OPCML: variants seen among roughly 807,000 people sequenced by gnomAD.
OPCML encodes the protein opioid binding protein/cell adhesion molecule like, also known as opioid-binding protein/cell adhesion molecule.
Under a neutral mutation model 37.8 loss-of-function variants are expected in OPCML, and 13 were observed. The ratio of observed to expected loss-of-function variants is 0.34; its 90% CI spans 0.22 to 0.55. The LOEUF is 0.55. OPCML is among the 20% of genes least tolerant of loss of function. OPCML has a pLI of 0.91. For missense variants in OPCML, 341 were observed against 435.6 expected (o/e 0.78, Z 1.93); for synonymous variants, 176 against 168.8 (o/e 1.04, Z -0.33).
At chr11:132,876,214 C>T (rs914522302) in intron 2 of OPCML, among the ~76,000 whole-genome samples, 6 of 152,140 alleles carry the variant, frequency 3.9e-5, no homozygotes, top group East Asian at 3.9e-4. Context: ...ATCACTTCTT[C>T]CCTATAAACC....
intron 1 of OPCML, among the ~76,000 whole-genome samples, chr11:133,458,856 T>TGTGTATATACACATAGATGCACGTGTGC (rs1946789669): frequency 6.7e-6 from 1 of 148,806 alleles, no homozygotes; most frequent in Non-Finnish European, 1.5e-5. Context: ...TGCACGTGTG[T>TGTGTATATACACATAGATGCACGTGTGC]GTGTATATAT....
chr11:132,668,052 A>C (rs1390903390), intron 2 of OPCML, among the ~76,000 whole-genome samples: 1 of 152,214 alleles, frequency 6.6e-6, no homozygotes, highest in African/African-American at 2.4e-5. Context: ...GGAGGGGCTG[A>C]CGGATACAGA....
At chr11:132,475,695 A>G (rs2136982069) in intron 4 of OPCML, among the ~76,000 whole-genome samples, 1 of 152,306 alleles carries the variant, frequency 6.6e-6, no homozygotes, top group South Asian at 2.1e-4. Flanking sequence ...AAACGTGAAA[A>G]AAAAAAATAT....
chr11:132,622,497 C>A (rs1939482870), intron 3 of OPCML, among the ~76,000 whole-genome samples: 1 of 152,188 alleles, frequency 6.6e-6, no homozygotes, highest in South Asian at 2.1e-4. Context: ...TAACCAACTG[C>A]TCTTGGAAAA....
intron 1 of OPCML, among the ~76,000 whole-genome samples, chr11:133,435,982 A>C (rs1207008637): frequency 6.6e-6 from 1 of 152,218 alleles, no homozygotes; most frequent in African/African-American, 2.4e-5. Flanking sequence ...AAGAGCTATA[A>C]ATAATGATTT....
intron 1 of OPCML, among the ~76,000 whole-genome samples, chr11:133,232,068 G>A (rs981101021): frequency 1.3e-5 from 2 of 152,132 alleles, no homozygotes; most frequent in Non-Finnish European, 2.9e-5. Context: ...GAAGGCTGCT[G>A]GATTTACTCA....
intron 3 of OPCML, among the ~76,000 whole-genome samples, chr11:132,604,469 C>T (rs1261745040): frequency 6.6e-6 from 1 of 152,140 alleles, no homozygotes; most frequent in Non-Finnish European, 1.5e-5. Context: ...CCTCAGCTCT[C>T]ACTCCCTTGT....
intron 2 of OPCML, among the ~76,000 whole-genome samples, chr11:132,733,558 AAGAT>A (rs763268346): frequency 2.0e-5 from 3 of 152,174 alleles, no homozygotes; most frequent in Non-Finnish European, 4.4e-5. Context: ...GATGTGGTCA[AAGAT>A]AGAAATAATT....
At chr11:133,159,671 C>T (rs1359098396) in intron 1 of OPCML, among the ~76,000 whole-genome samples, 1 of 152,160 alleles carries the variant, frequency 6.6e-6, no homozygotes, top group East Asian at 1.9e-4. Flanking sequence ...CAAACATTGT[C>T]GTAGTCTCCT....
chr11:132,694,463 C>T (rs377737034), intron 2 of OPCML, among the ~76,000 whole-genome samples: 28 of 152,188 alleles, frequency 1.8e-4, no homozygotes, highest in African/African-American at 6.0e-4. Flanking sequence ...TCCCAAAGTG[C>T]TGGGATTATA....
intron 1 of OPCML, among the ~76,000 whole-genome samples, chr11:132,979,738 G>T (rs942303661): frequency 6.6e-6 from 1 of 152,228 alleles, no homozygotes; most frequent in African/African-American, 2.4e-5. Context: ...AGACTTGGTG[G>T]TCTTCAGAAC....
intron 1 of OPCML, among the ~76,000 whole-genome samples, chr11:133,384,092 C>T (rs921378552): frequency 1.3e-5 from 2 of 151,992 alleles, no homozygotes; most frequent in African/African-American, 2.4e-5. Flanking sequence ...AAAACAGATA[C>T]ATACGCCTGT....
intron 3 of OPCML, among the ~76,000 whole-genome samples, chr11:132,633,561 G>C (rs1176366595): frequency 1.3e-5 from 2 of 152,292 alleles, no homozygotes; most frequent in East Asian, 1.9e-4. Context: ...GGAGGCCCCA[G>C]GCCCTGGGTC....
At chr11:133,232,226 C>T (rs187679931) in intron 1 of OPCML, among the ~76,000 whole-genome samples, 10 of 152,124 alleles carry the variant, frequency 6.6e-5, no homozygotes, top group Admixed American at 5.2e-4. Flanking sequence ...GTGGGCAGCT[C>T]CGTACTTGGT....
At chr11:132,448,328 C>T (rs1455284850) in intron 4 of OPCML, among the ~76,000 whole-genome samples, 1 of 152,172 alleles carries the variant, frequency 6.6e-6, no homozygotes, top group East Asian at 1.9e-4. Context: ...TTTCAAAATA[C>T]TTGTATTAGC....
intron 2 of OPCML, among the ~76,000 whole-genome samples, chr11:132,865,763 T>C (rs1323941302): frequency 2.6e-5 from 4 of 152,114 alleles, no homozygotes; most frequent in Admixed American, 1.3e-4. Context: ...TATATATGAG[T>C]GATTATAGCT....
At chr11:132,606,676 C>G (rs577655889) in intron 3 of OPCML, among the ~76,000 whole-genome samples, 59 of 37,276 alleles carry the variant, frequency 1.6e-3, no homozygotes, top group Admixed American at 7.3e-3. Context: ...CCAATGGGAC[C>G]GTGACTGCCG....
intron 1 of OPCML, among the ~76,000 whole-genome samples, chr11:133,256,473 T>C (rs895022803): frequency 1.3e-5 from 2 of 152,244 alleles, no homozygotes; most frequent in Non-Finnish European, 2.9e-5. Flanking sequence ...AAATGTACCA[T>C]AACCTTTGCT....
At chr11:132,930,590 TAAA>T (rs910030165) in intron 2 of OPCML, among the ~76,000 whole-genome samples, 1 of 151,626 alleles carries the variant, frequency 6.6e-6, no homozygotes, top group Admixed American at 6.6e-5. Flanking sequence ...TCTGAAAACA[TAAA>T]AAAAATTTTA....
Sources: allele counts gnomAD v4.1 joint callset (sites outside exome capture counted in the v4.1 genomes callset), GRCh38; gene constraint gnomAD v4.1.1; transcripts MANE v1.5; gene names NCBI Gene and HGNC (gene_info 2026-07-23, HGNC 2026-07-21).